Variants in SLC38A12 observed in about 807,000 individuals in gnomAD.
SLC38A12 encodes solute carrier family 38 member 12.
At chr17:74,804,068 C>T in the SLC38A12 span, among the ~76,000 whole-genome samples, 250 of 152,302 alleles carry the variant, frequency 1.6e-3, 2 homozygotes, top group African/African-American at 5.8e-3. Flanking sequence ...TCTTCTGCTC[C>T]GTGTCTGGCT....
the SLC38A12 span, chr17:74,785,356 T>C: frequency 7.3e-7 from 1 of 1,379,196 alleles, no homozygotes; most frequent in Non-Finnish European, 9.9e-7. Context: ...TCCTGCCTCC[T>C]TCCCTGTCTA....
the SLC38A12 span, chr17:74,838,674 CCTG>C: frequency 7.1e-7 from 1 of 1,416,478 alleles, no homozygotes; most frequent in Non-Finnish European, 9.2e-7. Context: ...TCAGTGTCCT[CCTG>C]CTGTAAGTCA....
At chr17:74,801,216 A>G in the SLC38A12 span, among the ~76,000 whole-genome samples, 1 of 152,054 alleles carries the variant, frequency 6.6e-6, no homozygotes, top group Admixed American at 6.5e-5. Context: ...GTTCCTCCTC[A>G]TTCAGTTCTG....
chr17:74,825,703 G>A, the SLC38A12 span, among the ~76,000 whole-genome samples: 219 of 152,300 alleles, frequency 1.4e-3, 1 homozygote, highest in Middle Eastern at 0.01. Flanking sequence ...CCAGCTGTCC[G>A]GGCACTGACA....
At chr17:74,779,035 G>C in the SLC38A12 span, among the ~76,000 whole-genome samples, 1 of 152,162 alleles carries the variant, frequency 6.6e-6, no homozygotes. Flanking sequence ...GTGGAATTAT[G>C]TAACAGCTCC....
the SLC38A12 span, among the ~76,000 whole-genome samples, chr17:74,806,858 G>A: frequency 1.3e-5 from 2 of 152,152 alleles, no homozygotes; most frequent in African/African-American, 4.8e-5. Context: ...GGAGTGTCCC[G>A]CCCCACGGCT....
At chr17:74,819,057 T>G in the SLC38A12 span, among the ~76,000 whole-genome samples, 3 of 152,320 alleles carry the variant, frequency 2.0e-5, 1 homozygote, top group South Asian at 6.2e-4. Flanking sequence ...CAGCACCCGC[T>G]TCTCTGCCTG....
chr17:74,806,886 C>G, the SLC38A12 span, among the ~76,000 whole-genome samples: 1 of 152,208 alleles, frequency 6.6e-6, no homozygotes, highest in African/African-American at 2.4e-5. Flanking sequence ...GAGGGACAGC[C>G]TGTCACAGCC....
the SLC38A12 span, chr17:74,839,011 C>T: frequency 4.6e-6 from 7 of 1,535,638 alleles, no homozygotes; most frequent in Non-Finnish European, 5.2e-6. Context: ...CTGCCACCTG[C>T]ATGGCCCCAG....
the SLC38A12 span, among the ~76,000 whole-genome samples, chr17:74,800,789 C>T: frequency 5.4e-4 from 72 of 132,690 alleles, 1 homozygote; most frequent in African/African-American, 2.1e-3. Flanking sequence ...GCGTCCAGCC[C>T]GGGATTGAGT....
chr17:74,821,994 A>G, the SLC38A12 span, among the ~76,000 whole-genome samples: 1 of 152,204 alleles, frequency 6.6e-6, no homozygotes, highest in Non-Finnish European at 1.5e-5. Context: ...CATGGGGATG[A>G]CACCCAGGAT....
chr17:74,784,645 G>A, the SLC38A12 span, among the ~76,000 whole-genome samples: 2 of 152,174 alleles, frequency 1.3e-5, no homozygotes, highest in Admixed American at 1.3e-4. Context: ...TGGGGGACTG[G>A]AGAGCATCAC....
chr17:74,790,107 C>A, the SLC38A12 span: 1 of 1,037,768 alleles, frequency 9.6e-7, no homozygotes, highest in Non-Finnish European at 1.5e-6. Flanking sequence ...GCACATGACA[C>A]CACACCTGGC....
the SLC38A12 span, among the ~76,000 whole-genome samples, chr17:74,832,309 G>C: frequency 6.6e-6 from 1 of 152,140 alleles, no homozygotes; most frequent in Non-Finnish European, 1.5e-5. Flanking sequence ...AGACCAGGCT[G>C]GAACAGTTCC....
the SLC38A12 span, among the ~76,000 whole-genome samples, chr17:74,794,429 C>T: frequency 2.0e-5 from 3 of 152,194 alleles, no homozygotes; most frequent in African/African-American, 7.2e-5. Context: ...GTCTTGAGCA[C>T]CATCTCCCCA....
At chr17:74,787,101 G>A in the SLC38A12 span, among the ~76,000 whole-genome samples, 2 of 152,236 alleles carry the variant, frequency 1.3e-5, no homozygotes, top group Admixed American at 1.3e-4. Context: ...ACTTAGGCAA[G>A]ATAATGAGAA....
chr17:74,790,261 A>ACGAG, the SLC38A12 span: 17 of 1,614,020 alleles, frequency 1.1e-5, no homozygotes, highest in Non-Finnish European at 1.4e-5. Flanking sequence ...CGGGACAACT[A>ACGAG]CGAGCGGGCA....
At chr17:74,829,820 T>G in the SLC38A12 span, among the ~76,000 whole-genome samples, 1 of 150,672 alleles carries the variant, frequency 6.6e-6, no homozygotes, top group South Asian at 2.1e-4. This position sits in a 1 kb window ranked among gnomAD's most constrained non-coding sequence, Gnocchi z 4.1. Flanking sequence ...CCTGGGAAGG[T>G]CACCCAACTC....
the SLC38A12 span, among the ~76,000 whole-genome samples, chr17:74,792,304 A>C: frequency 6.6e-6 from 1 of 152,146 alleles, no homozygotes; most frequent in Non-Finnish European, 1.5e-5. Flanking sequence ...TATGAAAATT[A>C]GCTGGGCGTG....
Sources: allele counts gnomAD v4.1 joint callset (sites outside exome capture counted in the v4.1 genomes callset), GRCh38; gene constraint gnomAD v4.1.1; non-coding constraint Gnocchi (gnomAD v3.1); transcripts MANE v1.5; gene names NCBI Gene and HGNC (gene_info 2026-07-23, HGNC 2026-07-21).